Variants in KIF14 observed in about 807,000 individuals in gnomAD.
The protein encoded by KIF14 is kinesin-like protein KIF14.
A neutral mutation model predicts 176.2 loss-of-function variants in KIF14; 98 were observed. The ratio of observed to expected loss-of-function variants is 0.56; its 90% CI spans 0.47 to 0.66. KIF14 has a LOEUF of 0.66. KIF14 is among the 30% of genes least tolerant of loss of function. The pLI is 0.00. For missense variants in KIF14, 1,751 were observed against 1,920.4 expected, an observed-to-expected ratio of 0.91 and a Z score of 1.65; for synonymous variants, 566 against 632.2, an observed-to-expected ratio of 0.90 and a Z score of 1.57.
chr1:200,591,104 T>C (rs1226533504), intron 16 of KIF14, among the ~76,000 whole-genome samples: 2 of 152,216 alleles, frequency 1.3e-5, no homozygotes, highest in South Asian at 2.1e-4. Context: ...ACTATACAAT[T>C]AAAAATGGCT....
At chr1:200,593,233 G>A (rs977743092) in intron 15 of KIF14, among the ~76,000 whole-genome samples, 1 of 152,190 alleles carries the variant, frequency 6.6e-6, no homozygotes, top group African/African-American at 2.4e-5. Context: ...AGGATATATA[G>A]AGTCACAATA....
intron 17 of KIF14, 80 bp from the exon 18 acceptor site, chr1:200,589,449 T>C (rs12738610): frequency 8.8e-7 from 1 of 1,132,988 alleles, no homozygotes; most frequent in Non-Finnish European, 1.2e-6. Flanking sequence ...TTAACCAATG[T>C]ACAAGAAATT....
At chr1:200,576,739 C>T (rs1322948155) in intron 21 of KIF14, among the ~76,000 whole-genome samples, 1 of 152,094 alleles carries the variant, frequency 6.6e-6, no homozygotes, top group East Asian at 1.9e-4. Context: ...TTGCTTTCAG[C>T]CTTTTTGGAT....
intron 10 of KIF14, 62 bp downstream of exon 10, chr1:200,603,164 T>C: frequency 1.0e-6 from 1 of 1,002,876 alleles, no homozygotes; most frequent in Non-Finnish European, 1.5e-6. Flanking sequence ...CAGTCTATCA[T>C]TCTTTTCCCC....
intron 5 of KIF14, among the ~76,000 whole-genome samples, chr1:200,608,408 A>G (rs1659991858): frequency 6.9e-6 from 1 of 145,320 alleles, no homozygotes; most frequent in South Asian, 2.2e-4. Context: ...TCTGTCGCCC[A>G]GGCTGGAGTA....
intron 19 of KIF14, among the ~76,000 whole-genome samples, 159 bp downstream of exon 19, chr1:200,585,942 A>G (rs1163139984): frequency 2.0e-5 from 3 of 152,206 alleles, no homozygotes; most frequent in Admixed American, 6.5e-5. Flanking sequence ...ATATTCAAAA[A>G]CAACCATTCA....
intron 21 of KIF14, among the ~76,000 whole-genome samples, chr1:200,579,468 G>A (rs1658325034): frequency 6.6e-6 from 1 of 152,066 alleles, no homozygotes; most frequent in African/African-American, 2.4e-5. Flanking sequence ...AATTAGCTGG[G>A]GCTGGTGGCA....
intron 13 of KIF14, among the ~76,000 whole-genome samples, chr1:200,599,099 G>A (rs1286947559): frequency 1.3e-5 from 2 of 152,156 alleles, no homozygotes; most frequent in Non-Finnish European, 2.9e-5. Flanking sequence ...CTTGATCACC[G>A]TCAACAGCTT....
Position 200,620,417 on chromosome 1 carries a change from A to C in KIF14, c.-122T>G, listed in dbSNP as rs1660625372. The C allele has an allele frequency of 6.6e-6, 1 of 152,270 alleles. No individual in the cohort carries two copies. Among genetic ancestry groups the C allele is most frequent in the African/African-American group, 2.4e-5 (1 of 41,466 alleles). 9.4% of individuals were successfully genotyped at this position (152,270 alleles called of 1,614,324 possible). A position where few individuals can be genotyped will look rare whatever the true frequency, so the allele number is the denominator to read the frequency against. The stretch of plus-strand genomic sequence containing the variant: ...GGCTATGACTAAGAATTACCTCTTA[A>C]TGCCAACCGACTCGGGGAGACTCGG... On this transcript the variant is annotated 5_prime_UTR_variant, in exon 1 of 30. Coordinates refer to ENST00000367350, the MANE Select transcript of KIF14 (RefSeq NM_014875.3).
rs1237993074 is a variant in KIF14 at position 200,552,645 on chromosome 1, A to G, written c.*743T>C. ...ATAATTTGGAAAGAAACAGGAAGCT[A>G]CACCCTTGAACATACTATTCAAAAT... On this transcript the variant is annotated 3_prime_UTR_variant, in exon 30 of 30. Coordinates refer to ENST00000367350, the MANE Select transcript of KIF14 (RefSeq NM_014875.3). 6.6e-6 allele frequency: 1 copy of G among 152,078 alleles called. No homozygotes were observed. The highest frequency in any genetic ancestry group is 1.5e-5 in the Non-Finnish European group (1 of 68,002). 9.4% of individuals were successfully genotyped at this position (152,078 alleles called of 1,614,324 possible).
intron 19 of KIF14, among the ~76,000 whole-genome samples, chr1:200,584,029 G>A (rs2102664837): frequency 6.6e-6 from 1 of 151,840 alleles, no homozygotes; most frequent in African/African-American, 2.4e-5. Flanking sequence ...GGATCACGAG[G>A]TCAGGAGGTA....
chr1:200,559,192 T>C (rs922341902), intron 27 of KIF14, 138 bp downstream of exon 27: 24 of 463,104 alleles, frequency 5.2e-5, no homozygotes, highest in Non-Finnish European at 7.7e-5. Flanking sequence ...CATAAGATCA[T>C]GATGTCAGCC....
intron 22 of KIF14, among the ~76,000 whole-genome samples, chr1:200,572,446 A>G (rs901222127): frequency 3.9e-5 from 6 of 151,900 alleles, no homozygotes; most frequent in Non-Finnish European, 8.8e-5. Context: ...CTGGGTTCAT[A>G]CCATTCTCCT....
At chr1:200,603,410 T>C (rs1659722238) in intron 9 of KIF14, 69 bp from the exon 10 acceptor site, 1 of 759,742 alleles carries the variant, frequency 1.3e-6, no homozygotes, top group Non-Finnish European at 2.3e-6. Flanking sequence ...TCACAAAATA[T>C]ATTTCTCCCC....
chr1:200,614,535 G>C (rs893648851), intron 3 of KIF14, 130 bp from the exon 4 acceptor site: 22 of 589,286 alleles, frequency 3.7e-5, no homozygotes, highest in Non-Finnish European at 5.6e-5. Context: ...TCTGGACTCT[G>C]GAGTCAAATC....
At chr1:200,574,937 A>ATTTTTTTTTTTTT (rs35584654) in intron 22 of KIF14, among the ~76,000 whole-genome samples, 1 of 110,682 alleles carries the variant, frequency 9.0e-6, no homozygotes, top group Non-Finnish European at 1.8e-5. Flanking sequence ...AGAAAGGGTA[A>ATTTTTTTTTTTTT]TTTTTTTTTT....
Position 200,598,249 on chromosome 1 carries a change from G to C in KIF14, c.2537C>G (p.Ala846Gly), listed in dbSNP as rs1433504961. 5.0e-6 allele frequency: 8 copies of C among 1,611,568 alleles called. No individual in the cohort carries two copies. Among genetic ancestry groups the C allele is most frequent in the Admixed American group, 1.7e-5 (1 of 59,666 alleles). ...AGGATTAACATACCAATGATCATCA[G>C]CAATCAGCACCCCAGATAACTGAAT... ...HDIQLSGVLI[A>G]DDHCTIKNFG... The change falls in exon 14 of 30, where the codon GCT becomes GGT. Residue 846 changes from alanine to glycine, a missense_variant. Transcript: ENST00000367350.
In KIF14 at chr1:200,593,702, C is replaced by T; in HGVS notation, c.2617G>A (p.Gly873Arg). Residue 873 changes from glycine to arginine, a missense_variant, in exon 15 of 30, where the codon GGA becomes AGA. Coordinates refer to ENST00000367350, the MANE Select transcript of KIF14 (RefSeq NM_014875.3). ...PVGEAKTYVN[G>R]KHILEITVLR... ...ACTGTGATTTCCAAAATATGTTTTC[C>T]ATTTACATATGTCTTTGCTTCCCCA... is the stretch of plus-strand genomic sequence containing the variant. 1 of 1,612,376 alleles carries T rather than the reference C, an allele frequency of 6.2e-7. No homozygotes were observed. Among genetic ancestry groups the T allele is most frequent in the Non-Finnish European group, 8.5e-7 (1 of 1,178,768 alleles).
At chr1:200,567,162 ACT>A (rs1041804715) in intron 23 of KIF14, among the ~76,000 whole-genome samples, 1 of 144,088 alleles carries the variant, frequency 6.9e-6, no homozygotes, top group African/African-American at 2.6e-5. Context: ...AAAGAGCGAA[ACT>A]CTGTCCTCAA....
Sources: allele counts gnomAD v4.1 joint callset (sites outside exome capture counted in the v4.1 genomes callset), GRCh38; gene constraint gnomAD v4.1.1; transcripts MANE v1.5; gene names NCBI Gene and HGNC (gene_info 2026-07-23, HGNC 2026-07-21).